Variants in STARD9 observed in about 807,000 individuals in gnomAD.
STARD9 encodes StAR related lipid transfer domain containing 9, also known as stAR-related lipid transfer protein 9.
A neutral mutation model predicts 399.8 loss-of-function variants in STARD9; 346 were observed. The observed-to-expected ratio is 0.87, with a 90% CI of 0.79 to 0.95. The LOEUF (loss-of-function observed/expected upper bound fraction) is 0.95. STARD9 is among the 40% of genes least tolerant of loss of function. STARD9 has a pLI of 0.00. For synonymous variants in STARD9, 2,203 were observed against 2,143.5 expected (o/e 1.03, Z -0.77); for missense variants, 5,832 against 5,667.5 (o/e 1.03, Z -0.93).
chr15:42,719,632 A>G lies in STARD9; in HGVS notation c.*58A>G. The stretch of plus-strand genomic sequence containing the variant: ...CAGGCCCAGGCTGCTCAAGAGAGAC[A>G]CTGTGGCAGCTCCTTGTTACTTTCC... On this transcript the variant is annotated 3_prime_UTR_variant, in exon 33 of 33. Transcript: ENST00000290607. 8.9e-7 allele frequency: 1 copy of G among 1,117,808 alleles called. No homozygotes were observed. Among genetic ancestry groups the G allele is most frequent in the African/African-American group, 1.6e-5 (1 of 64,262 alleles). The allele number at this position is 1,117,808 out of a possible 1,614,324, so 69.2% of individuals were successfully genotyped here. A position where few individuals can be genotyped will look rare whatever the true frequency, so the allele number is the denominator to read the frequency against.
rs555489047 is a variant in STARD9 at position 42,594,633 on chromosome 15, G to GT, written c.234+9004dup. 9.7e-4 allele frequency among the ~76,000 whole-genome samples: 148 copies of GT among 152,124 alleles called. 5 individuals are homozygous for GT. The South Asian group carries it at 0.028, about 29-fold the overall frequency. On this transcript the variant is annotated intron_variant, in intron 3 of 32. Transcript: ENST00000290607. The stretch of plus-strand genomic sequence containing the variant: ...TAGAGAGACAAAATAACAGTTAGAA[G>GT]TTTTTTTTGTTTGTTTGTTTTCTTT...
chr15:42,600,226 G>T (rs542917128), intron 3 of STARD9, among the ~76,000 whole-genome samples: 1 of 152,178 alleles, frequency 6.6e-6, no homozygotes. Flanking sequence ...GAAGCGTACT[G>T]GATACTTAGT....
chr15:42,637,079 T>TA (rs5812228), intron 4 of STARD9, among the ~76,000 whole-genome samples: 139,637 of 144,324 alleles, frequency 0.97, 67,639 homozygotes, highest in East Asian at 1. Flanking sequence ...AAATAATAAT[T>TA]AAAAAAAAAA....
In STARD9 at chr15:42,692,371, ACTGT is replaced by A. The variant is rs1291600671; in HGVS notation, c.10797_10800del (p.Cys3599Ter). On this transcript the variant is annotated frameshift_variant, in exon 23 of 33. Transcript: ENST00000290607. LOFTEE classifies it high-confidence loss of function. ...TTCAGGGGCCCTTCTGGTGAAGCAG[ACTGT>A]CTGAGGAGTAAGCCCCCCTTGGCCA... The A allele has an allele frequency of 2.6e-6, 4 of 1,536,966 alleles. No homozygotes were observed. Among genetic ancestry groups the A allele is most frequent in the Admixed American group, 2.0e-5 (1 of 51,000 alleles).
At chr15:42,625,804 T>G (rs976126511) in intron 3 of STARD9, among the ~76,000 whole-genome samples, 2 of 152,088 alleles carry the variant, frequency 1.3e-5, no homozygotes, top group African/African-American at 4.8e-5. Context: ...TGTATTTTGT[T>G]GAATAACTAA....
intron 20 of STARD9, among the ~76,000 whole-genome samples, chr15:42,680,423 A>G (rs1484873811): frequency 6.6e-6 from 1 of 151,934 alleles, no homozygotes; most frequent in Non-Finnish European, 1.5e-5. Context: ...AACATGGTAA[A>G]ATCCTGTCTC....
chr15:42,649,744 C>G (rs892578484), intron 7 of STARD9, among the ~76,000 whole-genome samples: 1 of 150,880 alleles, frequency 6.6e-6, no homozygotes, highest in Non-Finnish European at 1.5e-5. Flanking sequence ...TATTTTTAGT[C>G]GAGGTGGGGT....
Position 42,687,304 on chromosome 15 carries a change from T to G in STARD9, c.5726T>G (p.Leu1909Arg). 1 of 1,536,846 alleles carries G rather than the reference T, an allele frequency of 6.5e-7. No homozygotes were observed. The highest frequency in any genetic ancestry group is 8.7e-7 in the Non-Finnish European group (1 of 1,146,932). Reference protein sequence around the residue: ...SDSTESGKSLLFRESEAREEE... With the variant: ...SDSTESGKSLRFRESEAREEE... The stretch of plus-strand genomic sequence containing the variant: ...AGCACTGAGTCTGGGAAGTCTCTCC[T>G]CTTTCGTGAATCTGAGGCACGAGAG... Residue 1909 changes from leucine (L) to arginine (R), a missense_variant, in exon 23 of 33, where the codon CTC (leucine) becomes CGC (arginine). Coordinates refer to ENST00000290607, the MANE Select transcript of STARD9 (RefSeq NM_020759.3).
intron 3 of STARD9, among the ~76,000 whole-genome samples, chr15:42,626,367 T>A (rs1402847665): frequency 7.1e-6 from 1 of 141,780 alleles, no homozygotes; most frequent in African/African-American, 3.0e-5. Context: ...CTCTTCCTCT[T>A]CTTCCTCCTC....
At chr15:42,625,951 T>C (rs1335314198) in intron 3 of STARD9, among the ~76,000 whole-genome samples, 1 of 152,176 alleles carries the variant, frequency 6.6e-6, no homozygotes, top group Non-Finnish European at 1.5e-5. Flanking sequence ...AGACAGAGTC[T>C]AGTTCTGTCG....
Position 42,720,976 on chromosome 15 carries a change from T to A in STARD9, c.*1402T>A, listed in dbSNP as rs2061442209. ...CTGACCAAAAAAGAACATTTTAAAA[T>A]TAAAAGTCCTCTGTGTACTTTATCT... On this transcript the variant is annotated 3_prime_UTR_variant, in exon 33 of 33. Coordinates refer to ENST00000290607, the MANE Select transcript of STARD9 (RefSeq NM_020759.3). 1 of 152,202 alleles carries A rather than the reference T, an allele frequency of 6.6e-6. No individual in the cohort carries two copies. Among genetic ancestry groups the A allele is most frequent in the South Asian group, 2.1e-4 (1 of 4,824 alleles). 9.4% of individuals were successfully genotyped at this position (152,202 alleles called of 1,614,324 possible). A position where few individuals can be genotyped will look rare whatever the true frequency, so the allele number is the denominator to read the frequency against.
intron 3 of STARD9, among the ~76,000 whole-genome samples, chr15:42,593,985 T>C (rs1388772314): frequency 6.6e-6 from 1 of 152,144 alleles, no homozygotes; most frequent in Non-Finnish European, 1.5e-5. Flanking sequence ...GTTGTTTTAA[T>C]ATTTATTTGG....
Position 42,688,126 on chromosome 15 carries a change from C to T in STARD9, c.6548C>T (p.Ser2183Phe). ...AGACCTGCCAGGGATATTTGTGATT[C>T]TTTAGGGAAACACACAACTTGCAGA... ...SDRPARDICD[S>F]LGKHTTCREF... The change falls in exon 23 of 33, where the codon TCT becomes TTT. Residue 2183 changes from serine (S) to phenylalanine (F), a missense_variant. By Grantham distance (155) the Ser-to-Phe change is radical. This residue lies in a region of STARD9 where 5,828 missense variants were observed against 5,651.1 expected (regional missense o/e 1.03). Coordinates refer to ENST00000290607, the MANE Select transcript of STARD9 (RefSeq NM_020759.3). 1 of 1,537,306 alleles carries T rather than the reference C, an allele frequency of 6.5e-7. No individual in the cohort carries two copies. The highest frequency in any genetic ancestry group is 8.7e-7 in the Non-Finnish European group (1 of 1,146,932).
Position 42,674,439 on chromosome 15 carries a change from G to A in STARD9, c.1498-1G>A. ...TTAAAATGGCTTTTTTCCCCCTTTA[G>A]GAAGGGACAACAAAAATAGGAAGGA... On this transcript the variant is annotated splice_acceptor_variant, in intron 16 of 32. Coordinates refer to ENST00000290607, the MANE Select transcript of STARD9 (RefSeq NM_020759.3). LOFTEE classifies it high-confidence loss of function. The A allele has an allele frequency of 2.6e-6, 4 of 1,536,924 alleles. No homozygotes were observed. The highest frequency in any genetic ancestry group is 3.5e-6 in the Non-Finnish European group (4 of 1,146,658).
At chr15:42,589,226 AT>A (rs1390933505) in intron 3 of STARD9, among the ~76,000 whole-genome samples, 2 of 152,124 alleles carry the variant, frequency 1.3e-5, no homozygotes, top group Non-Finnish European at 2.9e-5. Flanking sequence ...ATTTATTATT[AT>A]TTTTAATAGA....
At chr15:42,647,621 G>T (rs2059670597) in intron 7 of STARD9, among the ~76,000 whole-genome samples, 2 of 151,890 alleles carry the variant, frequency 1.3e-5, no homozygotes, top group East Asian at 3.9e-4. Context: ...TTCTATGTAT[G>T]TTTCAGATGT....
chr15:42,602,829 T>G (rs2058654821), intron 3 of STARD9, among the ~76,000 whole-genome samples: 1 of 152,220 alleles, frequency 6.6e-6, no homozygotes, highest in South Asian at 2.1e-4. Flanking sequence ...AAGTTGCAAA[T>G]GAAGCCAAGA....
At position 42,701,166 on chromosome 15, in the gene STARD9, A is replaced by G. The variant is rs548719657; in HGVS notation, c.13284+5286A>G. 2.0e-5 allele frequency among the ~76,000 whole-genome samples: 3 copies of G among 152,238 alleles called. No homozygotes were observed. The East Asian group carries it at 5.8e-4, about 29-fold the overall frequency. On this transcript the variant is annotated intron_variant, in intron 26 of 32. Transcript: ENST00000290607. ...GTTTTGATTACTATAGCTTGGTAGT[A>G]TTTTTTGAAGTCAGGTACTGTGATG...
At chr15:42,656,592 A>T (rs1472757185) in intron 9 of STARD9, among the ~76,000 whole-genome samples, 2 of 152,168 alleles carry the variant, frequency 1.3e-5, no homozygotes, top group Non-Finnish European at 2.9e-5. Flanking sequence ...ATGTCCGTCA[A>T]TGAGTGGTTA....
Sources: gnomAD v4.1 joint callset for allele counts (sites outside exome capture counted in the v4.1 genomes callset) on GRCh38, gnomAD v4.1.1 for gene constraint, gnomAD v4.1.1 regional missense constraint, MANE v1.5 for transcripts, NCBI Gene and HGNC (gene_info 2026-07-23, HGNC 2026-07-21) for gene names.